Variants in SGSM1 observed in about 807,000 individuals in gnomAD.
SGSM1 encodes the protein small G protein signaling modulator 1.
A neutral mutation model predicts 133.8 loss-of-function variants in SGSM1; 73 were observed. The observed-to-expected ratio is 0.55, with a 90% confidence interval of 0.45 to 0.66. The LOEUF (loss-of-function observed/expected upper bound fraction) is 0.66, where lower values mean the gene tolerates loss of function less well. SGSM1 is among the 30% of genes least tolerant of loss of function. The pLI is 0.00. For synonymous variants in SGSM1, 563 were observed against 573.0 expected, an observed-to-expected ratio of 0.98 and a Z score of 0.25; for missense variants, 1,213 against 1,448.1, an observed-to-expected ratio of 0.84 and a Z score of 2.64.
At chr22:24,913,068 C>A (rs1933691454) in intron 22 of SGSM1, among the ~76,000 whole-genome samples, 1 of 152,066 alleles carries the variant, frequency 6.6e-6, no homozygotes, top group African/African-American at 2.4e-5. Context: ...GCAACATCAG[C>A]CTCACCTGGC....
intron 2 of SGSM1, among the ~76,000 whole-genome samples, chr22:24,836,684 C>G (rs1929449297): frequency 1.3e-5 from 2 of 152,164 alleles, no homozygotes; most frequent in African/African-American, 4.8e-5. Flanking sequence ...ATTTGCATTT[C>G]CCATTGAACA....
intron 2 of SGSM1, among the ~76,000 whole-genome samples, chr22:24,821,785 T>C (rs1438302602): frequency 2.6e-5 from 4 of 152,200 alleles, no homozygotes; most frequent in African/African-American, 9.7e-5. Flanking sequence ...GGAGCAGTTA[T>C]AGGTTCTCAG....
chr22:24,895,343 TG>T, intron 18 of SGSM1, 52 bp downstream of exon 18: 2 of 1,561,814 alleles, frequency 1.3e-6, no homozygotes, highest in Non-Finnish European at 1.7e-6. Flanking sequence ...CCCTTCTGCC[TG>T]GGGTCATGGG....
At chr22:24,833,117 T>TA (rs1378070016) in intron 2 of SGSM1, among the ~76,000 whole-genome samples, 3 of 151,670 alleles carry the variant, frequency 2.0e-5, no homozygotes, top group African/African-American at 7.3e-5. Flanking sequence ...GTATTTTTAG[T>TA]AGAGATGGGG....
At chr22:24,865,631 A>G (rs1449450791) in intron 9 of SGSM1, among the ~76,000 whole-genome samples, 1 of 152,078 alleles carries the variant, frequency 6.6e-6, no homozygotes, top group African/African-American at 2.4e-5. Flanking sequence ...CTTGAAGCCT[A>G]TGTTAGTTTG....
intron 2 of SGSM1, among the ~76,000 whole-genome samples, chr22:24,806,980 C>G (rs1927437729): frequency 6.6e-6 from 1 of 152,102 alleles, no homozygotes; most frequent in Non-Finnish European, 1.5e-5. Context: ...GGAGCCACCT[C>G]CAAGAGCCAG....
intron 2 of SGSM1, among the ~76,000 whole-genome samples, chr22:24,841,875 G>A (rs978802717): frequency 3.3e-5 from 5 of 152,136 alleles, no homozygotes; most frequent in Admixed American, 1.3e-4. Flanking sequence ...GTCCTAAGGG[G>A]GTAAAGGAAT....
At chr22:24,886,826 G>A in intron 16 of SGSM1, 98 bp downstream of exon 16, 1 of 1,411,640 alleles carries the variant, frequency 7.1e-7, no homozygotes, top group Non-Finnish European at 9.4e-7. Context: ...CCAAGGAAGG[G>A]GAGGGAGATA....
At chr22:24,866,953 T>C in intron 9 of SGSM1, 140 bp from the exon 10 acceptor site, 1 of 747,912 alleles carries the variant, frequency 1.3e-6, no homozygotes, top group Non-Finnish European at 2.2e-6. Flanking sequence ...AGATAGAGTC[T>C]GGGCAGGCTG....
Position 24,889,202 on chromosome 22 carries a change from C to T in SGSM1, c.1770+2474C>T, listed in dbSNP as rs182248113. Among the ~76,000 whole-genome samples, 115 of 152,028 alleles carry T rather than the reference C, an allele frequency of 7.6e-4. 1 individual carries two copies. The East Asian group carries it at 0.018, about 23-fold the overall frequency. ...GTCCTAAACTGCTGACCTCGTGATC[C>T]GCCTGCCTTGGCCTCCCAAAGTGCT... is the stretch of plus-strand genomic sequence containing the variant. On this transcript the variant is annotated intron_variant, in intron 16 of 24. Transcript: ENST00000400358.
chr22:24,817,101 A>C (rs547419393), intron 2 of SGSM1, among the ~76,000 whole-genome samples: 25 of 152,294 alleles, frequency 1.6e-4, no homozygotes, highest in Non-Finnish European at 3.1e-4. Context: ...GATGGAAGGC[A>C]GGCAGACAAA....
At chr22:24,864,574 G>A (rs891300712) in intron 9 of SGSM1, among the ~76,000 whole-genome samples, 5 of 152,216 alleles carry the variant, frequency 3.3e-5, no homozygotes, top group Admixed American at 2.6e-4. Flanking sequence ...AGCCAGCCAC[G>A]AAGGGTGCAT....
chr22:24,882,002 A>G (rs1257943634), intron 14 of SGSM1, among the ~76,000 whole-genome samples: 1 of 151,702 alleles, frequency 6.6e-6, no homozygotes, highest in Non-Finnish European at 1.5e-5. Flanking sequence ...CTCCCTGGTT[A>G]CTGACTTGGG....
chr22:24,845,957 CTT>C (rs1252145833), intron 3 of SGSM1, among the ~76,000 whole-genome samples: 56 of 91,212 alleles, frequency 6.1e-4, no homozygotes, highest in African/African-American at 1.8e-3. Flanking sequence ...TTCTTTCTTT[CTT>C]TCTTTCTTTC....
chr22:24,855,918 C>T (rs6004320), intron 8 of SGSM1: 2 of 685,644 alleles, frequency 2.9e-6, no homozygotes, highest in East Asian at 2.9e-5. Context: ...CACAACCATC[C>T]ATCCATCCAC....
At chr22:24,917,932 A>G (rs1403226378) in intron 23 of SGSM1, among the ~76,000 whole-genome samples, 178 bp downstream of exon 23, 1 of 152,164 alleles carries the variant, frequency 6.6e-6, no homozygotes, top group African/African-American at 2.4e-5. Context: ...GACACTCTGT[A>G]GTAGGTGCTG....
At chr22:24,847,833 C>G (rs758474206) in intron 4 of SGSM1, 37 bp downstream of exon 4, 2 of 1,602,996 alleles carry the variant, frequency 1.2e-6, no homozygotes, top group African/African-American at 1.3e-5. Context: ...GGGAGCAGCT[C>G]CCCCAATAGT....
At chr22:24,917,259 T>C (rs539716965) in intron 22 of SGSM1, among the ~76,000 whole-genome samples, 40 of 152,264 alleles carry the variant, frequency 2.6e-4, no homozygotes, top group African/African-American at 8.9e-4. Context: ...TTTAAGTTTT[T>C]GAGGAACTAC....
chr22:24,889,195 C>T (rs146877199), intron 16 of SGSM1, among the ~76,000 whole-genome samples: 308 of 151,774 alleles, frequency 2.0e-3, no homozygotes, highest in African/African-American at 5.5e-3. Context: ...CTGCTGACCT[C>T]GTGATCCGCC....
Sources: gnomAD v4.1 joint callset for allele counts (sites outside exome capture counted in the v4.1 genomes callset) on GRCh38, gnomAD v4.1.1 for gene constraint, MANE v1.5 for transcripts, NCBI Gene and HGNC (gene_info 2026-07-23, HGNC 2026-07-21) for gene names.